Variants in RCBTB2 observed in about 807,000 individuals in gnomAD.
The protein encoded by RCBTB2 is RCC1 and BTB domain-containing protein 2.
Under a neutral mutation model 65.4 loss-of-function variants are expected in RCBTB2, and 55 were observed. That is an observed-to-expected ratio of 0.84 (90% CI 0.68 to 1.05). The LOEUF is 1.05. Among genes scored for constraint, RCBTB2 ranks in the 50% least tolerant of loss-of-function variants. RCBTB2 has a pLI of 0.00. For missense variants in RCBTB2, 599 were observed against 680.1 expected (o/e 0.88, Z 1.33); for synonymous variants, 220 against 255.2 (o/e 0.86, Z 1.31).
chr13:48,498,072 T>G (rs1359857207), intron 13 of RCBTB2, among the ~76,000 whole-genome samples: 1 of 152,162 alleles, frequency 6.6e-6, no homozygotes, highest in African/African-American at 2.4e-5. Context: ...ATTTCCTCCC[T>G]TAGACCCCAC....
At chr13:48,529,978 C>T (rs9595917) in intron 1 of RCBTB2, among the ~76,000 whole-genome samples, 10,467 of 152,198 alleles carry the variant, frequency 0.069, 867 homozygotes, top group African/African-American at 0.19. Flanking sequence ...GCAGCCTCAA[C>T]CTTCCCGGCT....
intron 10 of RCBTB2, chr13:48,504,420 C>A: frequency 2.0e-5 from 13 of 657,856 alleles, no homozygotes; most frequent in Non-Finnish European, 2.1e-5. Context: ...TTCTCATTGA[C>A]CTTCAATGAC....
intron 9 of RCBTB2, among the ~76,000 whole-genome samples, chr13:48,511,020 G>A (rs192906941): frequency 5.1e-4 from 77 of 151,952 alleles, no homozygotes; most frequent in Non-Finnish European, 6.2e-4. Flanking sequence ...GAAATCAAGG[G>A]GTATGAGGGG....
intron 14 of RCBTB2, among the ~76,000 whole-genome samples, chr13:48,491,996 A>G (rs1949719227): frequency 1.3e-5 from 2 of 152,176 alleles, no homozygotes; most frequent in Admixed American, 6.5e-5. Context: ...ACCACTCTGT[A>G]TGGCTTCATG....
chr13:48,499,850 C>T (rs1950153770), intron 12 of RCBTB2, 90 bp from the exon 13 acceptor site: 24 of 1,443,294 alleles, frequency 1.7e-5, no homozygotes, highest in Non-Finnish European at 2.2e-5. Flanking sequence ...CGAAGGTGCA[C>T]GCTGGCACGT....
chr13:48,516,609 C>T (rs760835231), intron 4 of RCBTB2, among the ~76,000 whole-genome samples: 8 of 152,170 alleles, frequency 5.3e-5, no homozygotes, highest in Non-Finnish European at 1.2e-4. Flanking sequence ...TTAAGGTCCA[C>T]CCTAATGACC....
intron 11 of RCBTB2, among the ~76,000 whole-genome samples, chr13:48,502,277 G>A (rs934432223): frequency 6.6e-6 from 1 of 152,126 alleles, no homozygotes; most frequent in Non-Finnish European, 1.5e-5. Context: ...GATGGTCTGA[G>A]GCCCACGGTT....
At position 48,512,020 on chromosome 13, in the gene RCBTB2, C is replaced by G. The variant is rs1453967722; in HGVS notation, c.671G>C (p.Gly224Ala). ...QMCCMAVVDT[G>A]EVYVWGYNGN... Reference sequence around the variant, plus strand: ...GATGTAAAATAACTTCCTTACCTCCCCCGTGTCTACTACTGCCATGCAGCA... The same window carrying G: ...GATGTAAAATAACTTCCTTACCTCCGCCGTGTCTACTACTGCCATGCAGCA... The change falls in exon 8 of 15, where the codon GGG becomes GCG. Residue 224 changes from glycine (G) to alanine (A), a missense_variant. Physicochemically the swap from Gly to Ala is moderately conservative, Grantham distance 60. Coordinates refer to ENST00000344532, the MANE Select transcript of RCBTB2 (RefSeq NM_001268.4). 6.2e-7 allele frequency: 1 copy of G among 1,613,642 alleles called. No homozygotes were observed. Among genetic ancestry groups the G allele is most frequent in the South Asian group, 1.1e-5 (1 of 91,060 alleles).
In RCBTB2 at chr13:48,489,899, C is replaced by T. The variant is rs1949625818; in HGVS notation, c.*212G>A. 4 of 583,800 alleles carry T rather than the reference C, an allele frequency of 6.9e-6. 1 individual carries two copies. Among genetic ancestry groups the T allele is most frequent in the Non-Finnish European group, 9.0e-6 (3 of 334,742 alleles). 36.2% of individuals were successfully genotyped at this position (583,800 alleles called of 1,614,324 possible). Reference sequence around the variant, plus strand: ...AGATATTTCAATTTTTTTTCCTTGACCTTAGTCACATCTGATCAGAACATT... The same window carrying T: ...AGATATTTCAATTTTTTTTCCTTGATCTTAGTCACATCTGATCAGAACATT... On this transcript the variant is annotated 3_prime_UTR_variant, in exon 15 of 15. Transcript: ENST00000344532.
rs1396208668 is a variant in RCBTB2, at chr13:48,533,026, ACCT to A, written c.-220_-219+1del. On this transcript the variant is annotated splice_donor_variant and 5_prime_UTR_variant, in exon 1 of 15. Coordinates refer to ENST00000344532, the MANE Select transcript of RCBTB2 (RefSeq NM_001268.4). LOFTEE classifies it low-confidence loss of function (5UTR_SPLICE). The stretch of plus-strand genomic sequence containing the variant: ...TCCCACACCACTCCTCCACCCTCTT[ACCT>A]CCTCGCAGGCCGGAGCCTTGTCCGC... The A allele has an allele frequency of 2.2e-6, 1 of 454,442 alleles. No individual in the cohort carries two copies. The highest frequency in any genetic ancestry group is 4.4e-6 in the Non-Finnish European group (1 of 226,190). 28.2% of individuals were successfully genotyped at this position (454,442 alleles called of 1,614,324 possible).
intron 7 of RCBTB2, 93 bp from the exon 8 acceptor site, chr13:48,512,267 T>C: frequency 1.8e-6 from 2 of 1,090,432 alleles, no homozygotes; most frequent in Middle Eastern, 2.3e-4. Flanking sequence ...GAGTCTTTCC[T>C]CTCAAAGTGC....
intron 14 of RCBTB2, 71 bp from the exon 15 acceptor site, chr13:48,490,322 G>A (rs1264969224): frequency 6.7e-5 from 92 of 1,375,242 alleles, no homozygotes; most frequent in Non-Finnish European, 8.7e-5. Flanking sequence ...CATGAAAATC[G>A]CTAAAACAAG....
intron 10 of RCBTB2, 92 bp from the exon 11 acceptor site, chr13:48,503,006 T>G: frequency 3.8e-6 from 5 of 1,317,736 alleles, no homozygotes; most frequent in Non-Finnish European, 5.0e-6. Context: ...ATGTGGGACA[T>G]CATAAAATTA....
intron 13 of RCBTB2, among the ~76,000 whole-genome samples, chr13:48,497,107 C>T (rs1327507345): frequency 1.3e-5 from 2 of 152,174 alleles, no homozygotes; most frequent in African/African-American, 4.8e-5. Flanking sequence ...TCTTACTCGA[C>T]ATTTACACAG....
intron 13 of RCBTB2, among the ~76,000 whole-genome samples, chr13:48,497,917 C>T (rs957063249): frequency 3.3e-5 from 5 of 152,214 alleles, no homozygotes; most frequent in East Asian, 3.8e-4. Flanking sequence ...AGGACTCTGC[C>T]CCAAGCCCCA....
intron 1 of RCBTB2, chr13:48,532,030 T>A (rs1251010722): frequency 6.6e-6 from 1 of 152,258 alleles, no homozygotes; most frequent in Non-Finnish European, 1.5e-5. Context: ...ACTCAACCAC[T>A]TTTATTCAGC....
Position 48,501,873 on chromosome 13 carries a change from G to A in RCBTB2, c.1118-5C>T, listed in dbSNP as rs1204856396. On this transcript the variant is annotated splice_polypyrimidine_tract_variant and splice_region_variant and intron_variant, in intron 11 of 14. Transcript: ENST00000344532. ...CTGTGAGGTGGTCATCAGGTTCTAG[G>A]AGAATAATGCAAATGCTTCCAGAGT... The A allele has an allele frequency of 1.2e-6, 2 of 1,612,978 alleles. No homozygotes were observed. Among genetic ancestry groups the A allele is most frequent in the Admixed American group, 1.7e-5 (1 of 59,812 alleles).
At chr13:48,515,136 C>T in intron 6 of RCBTB2, 69 bp downstream of exon 6, 1 of 1,416,564 alleles carries the variant, frequency 7.1e-7, no homozygotes, top group Non-Finnish European at 9.7e-7. Context: ...CAACTCTCAA[C>T]CAATTAAACA....
chr13:48,530,413 T>C (rs1952047559), intron 1 of RCBTB2, among the ~76,000 whole-genome samples: 1 of 152,240 alleles, frequency 6.6e-6, no homozygotes, highest in Admixed American at 6.5e-5. Context: ...GTAAAGGACA[T>C]GAGGGGAAAC....
Sources: gnomAD v4.1 joint callset for allele counts (sites outside exome capture counted in the v4.1 genomes callset) on GRCh38, gnomAD v4.1.1 for gene constraint, MANE v1.5 for transcripts, NCBI Gene and HGNC (gene_info 2026-07-23, HGNC 2026-07-21) for gene names.